LEPROTL1: variants seen among roughly 807,000 people sequenced by gnomAD.
The protein encoded by LEPROTL1 is leptin receptor overlapping transcript like 1.
In LEPROTL1, 6 loss-of-function variants were observed where a neutral mutation model predicts 15.4. That is an observed-to-expected ratio of 0.39 (90% CI 0.21 to 0.77). LEPROTL1 has a LOEUF of 0.77. Ranked by LOEUF, LEPROTL1 falls within the 30% of genes least tolerant of loss-of-function variation. LEPROTL1 has a pLI of 0.41. For missense variants in LEPROTL1, 128 were observed against 158.1 expected, an observed-to-expected ratio of 0.81 and a Z score of 1.02; for synonymous variants, 56 against 52.6, an observed-to-expected ratio of 1.06 and a Z score of -0.28.
chr8:30,099,625 A>T (rs974989879), intron 1 of LEPROTL1, among the ~76,000 whole-genome samples: 1 of 141,994 alleles, frequency 7.0e-6, no homozygotes, highest in Non-Finnish European at 1.5e-5. Flanking sequence ...AAAAAAAAAA[A>T]CCAGCAAAAA....
At chr8:30,112,316 A>T (rs1162553189), downstream of LEPROTL1, among the ~76,000 whole-genome samples, 1 of 143,046 alleles carries the variant, frequency 7.0e-6, no homozygotes, top group African/African-American at 2.6e-5. Context: ...GCTCACTGCA[A>T]CCTCCACCTC....
intron 3 of LEPROTL1, among the ~76,000 whole-genome samples, chr8:30,118,790 G>A (rs1017151251): frequency 7.2e-5 from 11 of 152,204 alleles, no homozygotes; most frequent in African/African-American, 2.4e-4. Context: ...AAACATGTGA[G>A]CAAAGGAATC....
chr8:30,136,620 A>G lies in LEPROTL1; in HGVS notation c.395-652A>G, dbSNP rs541612215. Among the ~76,000 whole-genome samples the G allele has an allele frequency of 2.6e-5, 4 of 151,850 alleles. No individual in the cohort carries two copies. In the South Asian group the frequency reaches 6.2e-4, roughly 24 times the overall value. On this transcript the variant is annotated intron_variant, in intron 4 of 4. Transcript: ENST00000442880. ...GCCCCAGCTCCCTACTGAAATCCTG[A>G]TTCACTCCATCCCATTTGGTACTTC...
At chr8:30,120,217 C>T (rs1802808759) in intron 3 of LEPROTL1, among the ~76,000 whole-genome samples, 1 of 152,008 alleles carries the variant, frequency 6.6e-6, no homozygotes, top group Admixed American at 6.5e-5. Flanking sequence ...GAAAAGGGTC[C>T]AAATAGCTCA....
rs996713047 is a variant in LEPROTL1 at position 30,095,487 on chromosome 8, G to C, written c.-26G>C. ...GCTGCTGCCGCCGCCGCCTCGGGTC[G>C]TGGAGCCAGGAGCGACGTCACCGCC... is the stretch of plus-strand genomic sequence containing the variant. On this transcript the variant is annotated 5_prime_UTR_variant, in exon 1 of 4. Transcript: ENST00000321250. 23 of 1,463,472 alleles carry C rather than the reference G, an allele frequency of 1.6e-5. No individual in the cohort carries two copies. The highest frequency in any genetic ancestry group is 1.9e-4 in the Middle Eastern group (1 of 5,380). 90.7% of individuals were successfully genotyped at this position (1,463,472 alleles called of 1,614,324 possible).
intron 3 of LEPROTL1, among the ~76,000 whole-genome samples, chr8:30,115,869 C>G (rs999786154): frequency 1.3e-5 from 2 of 152,138 alleles, no homozygotes; most frequent in East Asian, 3.9e-4. Context: ...CCAGGTAGTA[C>G]ATATGAAAAT....
intron 2 of LEPROTL1, 45 bp from the exon 3 acceptor site, chr8:30,104,255 A>T (rs1315792309): frequency 6.5e-6 from 8 of 1,232,050 alleles, no homozygotes; most frequent in East Asian, 2.6e-5. Flanking sequence ...GTGTGTAGGA[A>T]AATGACATAG....
downstream of LEPROTL1, among the ~76,000 whole-genome samples, chr8:30,110,371 G>C (rs377204809): frequency 6.6e-6 from 1 of 152,146 alleles, no homozygotes. Flanking sequence ...TACTCCGTGT[G>C]TGTGTGTGCG....
At chr8:30,131,296 A>ATATGTGTGTGTG (rs367717206) in intron 3 of LEPROTL1, among the ~76,000 whole-genome samples, 4 of 123,896 alleles carry the variant, frequency 3.2e-5, no homozygotes, top group African/African-American at 1.1e-4. Flanking sequence ...ATATATATAT[A>ATATGTGTGTGTG]TGTGTGTGTG....
chr8:30,131,813 G>C (rs1167593173), intron 3 of LEPROTL1: 1 of 1,065,162 alleles, frequency 9.4e-7, no homozygotes, highest in Middle Eastern at 2.4e-4. Context: ...GCAAGTCACT[G>C]GGTATATCCA....
chr8:30,116,315 A>C (rs1218695780), intron 3 of LEPROTL1, among the ~76,000 whole-genome samples: 1 of 152,188 alleles, frequency 6.6e-6, no homozygotes, highest in African/African-American at 2.4e-5. Context: ...TTAGGTCAGC[A>C]GTCCCCAATC....
chr8:30,137,512 C>T (rs1803175714), exon 5 of LEPROTL1: 1 of 1,537,980 alleles, frequency 6.5e-7, no homozygotes, highest in Non-Finnish European at 8.8e-7. Context: ...ACAACTACTG[C>T]TCAGTGCCAG....
intron 3 of LEPROTL1, among the ~76,000 whole-genome samples, chr8:30,123,643 C>A (rs1317616427): frequency 6.6e-6 from 1 of 152,168 alleles, no homozygotes; most frequent in Non-Finnish European, 1.5e-5. Flanking sequence ...CACATACAAA[C>A]CTCAAGTATG....
At chr8:30,101,029 G>A (rs932019905) in intron 1 of LEPROTL1, among the ~76,000 whole-genome samples, 3 of 152,096 alleles carry the variant, frequency 2.0e-5, no homozygotes, top group Non-Finnish European at 2.9e-5. Context: ...CTCTACTTTT[G>A]CAAACTATTT....
intron 3 of LEPROTL1, chr8:30,117,334 T>G (rs1330625798): frequency 2.7e-6 from 2 of 754,576 alleles, no homozygotes; most frequent in South Asian, 1.6e-5. Context: ...TTTTTTTTTT[T>G]TAATTGTCTG....
intron 3 of LEPROTL1, among the ~76,000 whole-genome samples, chr8:30,130,936 C>T (rs894661463): frequency 1.6e-4 from 25 of 151,736 alleles, no homozygotes; most frequent in Non-Finnish European, 2.2e-4. Context: ...CCCACCACCA[C>T]GCCCGGCTAA....
At chr8:30,104,579 T>C in intron 3 of LEPROTL1, 93 bp downstream of exon 3, 1 of 747,998 alleles carries the variant, frequency 1.3e-6, no homozygotes. Flanking sequence ...TGAAAAGAGG[T>C]GAAAGACATA....
intron 2 of LEPROTL1, among the ~76,000 whole-genome samples, chr8:30,103,296 T>G (rs1037521292): frequency 1.3e-5 from 2 of 152,226 alleles, no homozygotes; most frequent in African/African-American, 4.8e-5. Context: ...TTTTAAAGTT[T>G]ATGTGGAAAT....
chr8:30,114,274 T>TC (rs1197672928), intron 3 of LEPROTL1, among the ~76,000 whole-genome samples: 1 of 108,248 alleles, frequency 9.2e-6, no homozygotes, highest in Non-Finnish European at 1.9e-5. Context: ...TTACATGATA[T>TC]TTTTTTGTTT....
Sources: allele counts gnomAD v4.1 joint callset (sites outside exome capture counted in the v4.1 genomes callset), GRCh38; gene constraint gnomAD v4.1.1; transcripts MANE v1.5; gene names NCBI Gene and HGNC (gene_info 2026-07-23, HGNC 2026-07-21).